Variants in CHIC1 observed in about 807,000 individuals in gnomAD.
CHIC1 encodes the protein cysteine-rich hydrophobic domain-containing protein 1.
Under a neutral mutation model 18.5 loss-of-function variants are expected in CHIC1, and 7 were observed. The ratio of observed to expected loss-of-function variants is 0.38; its 90% CI spans 0.22 to 0.71. The LOEUF is 0.71. Ranked by LOEUF, CHIC1 falls within the 30% of genes least tolerant of loss-of-function variation. The pLI is 0.49. For missense variants in CHIC1, 159 were observed against 176.9 expected (o/e 0.90, Z 0.57); for synonymous variants, 77 against 73.5 (o/e 1.05, Z -0.25).
chrX:73,634,561 T>TG (rs906624130), intron 3 of CHIC1, among the ~76,000 whole-genome samples: 2 of 111,651 alleles, frequency 1.8e-5, no homozygotes, highest in Non-Finnish European at 3.8e-5. Flanking sequence ...GTTGGCTAGT[T>TG]GGGGTGTTCC....
intron 3 of CHIC1, among the ~76,000 whole-genome samples, chrX:73,645,484 A>G (rs1322194405): frequency 8.9e-6 from 1 of 112,263 alleles, no homozygotes; most frequent in South Asian, 3.7e-4. Flanking sequence ...AGGAACATCC[A>G]TACTGTTTTC....
chrX:73,676,224 C>T (rs1313844579), intron 3 of CHIC1, among the ~76,000 whole-genome samples: 2 of 111,238 alleles, frequency 1.8e-5, no homozygotes, highest in Non-Finnish European at 3.8e-5. Context: ...AGTTGCTCTT[C>T]TCGAGGAGTA....
intron 3 of CHIC1, among the ~76,000 whole-genome samples, chrX:73,648,708 T>C (rs1000792221): frequency 1.8e-5 from 2 of 111,460 alleles, no homozygotes; most frequent in African/African-American, 6.5e-5. Flanking sequence ...CAGAGAAATA[T>C]GGGACTATAT....
chrX:73,628,410 A>G (rs1487626332), intron 3 of CHIC1, among the ~76,000 whole-genome samples: 1 of 111,948 alleles, frequency 8.9e-6, no homozygotes, highest in Non-Finnish European at 1.9e-5. Context: ...GTTTACCTGG[A>G]GACAGAGGGC....
intron 3 of CHIC1, among the ~76,000 whole-genome samples, chrX:73,603,761 T>C (rs2057664468): frequency 9.2e-6 from 1 of 108,891 alleles, no homozygotes; most frequent in Non-Finnish European, 1.9e-5. Context: ...GAGATAATCT[T>C]GTGGGTTTGG....
At chrX:73,614,115 GTTTGAAGGATGACTTTTCTGGGTA>G (rs2057721777) in intron 3 of CHIC1, among the ~76,000 whole-genome samples, 2 of 111,369 alleles carry the variant, frequency 1.8e-5, no homozygotes, top group African/African-American at 6.5e-5. Context: ...TCTTCTTCAT[GTTTGAAGGATGACTTTTCTGGGTA>G]TAGTATCCTT....
At chrX:73,652,381 C>T (rs1454678397) in intron 3 of CHIC1, among the ~76,000 whole-genome samples, 1 of 112,088 alleles carries the variant, frequency 8.9e-6, no homozygotes, top group Non-Finnish European at 1.9e-5. Context: ...CCAAAATTGA[C>T]AAATGGGATC....
chrX:73,615,577 C>T (rs2057728774), intron 3 of CHIC1, among the ~76,000 whole-genome samples: 1 of 111,508 alleles, frequency 9.0e-6, no homozygotes, highest in African/African-American at 3.3e-5. Context: ...TGACCATAGC[C>T]TCCTAGGAGG....
chrX:73,587,060 G>T (rs994298041), intron 3 of CHIC1, among the ~76,000 whole-genome samples: 2 of 111,776 alleles, frequency 1.8e-5, no homozygotes, highest in Non-Finnish European at 3.8e-5. Context: ...ATGGGCTGTT[G>T]TTTGACACCT....
intron 1 of CHIC1, among the ~76,000 whole-genome samples, chrX:73,571,105 A>G (rs957968658): frequency 3.6e-5 from 4 of 110,961 alleles, no homozygotes; most frequent in African/African-American, 9.8e-5. Flanking sequence ...AGAGAATAGT[A>G]AAGCTAAGAA....
intron 3 of CHIC1, among the ~76,000 whole-genome samples, chrX:73,585,018 A>C (rs2057546239): frequency 9.0e-6 from 1 of 111,648 alleles, no homozygotes; most frequent in South Asian, 3.7e-4. Flanking sequence ...ATTACTACTT[A>C]TGTCATGGAT....
intron 5 of CHIC1, among the ~76,000 whole-genome samples, chrX:73,679,955 A>G (rs1447338106): frequency 9.0e-6 from 1 of 111,720 alleles, no homozygotes; most frequent in Non-Finnish European, 1.9e-5. Flanking sequence ...AACATTGTAC[A>G]ACCTTAATCA....
intron 3 of CHIC1, among the ~76,000 whole-genome samples, chrX:73,618,725 C>G (rs992181816): frequency 1.8e-5 from 2 of 112,290 alleles, no homozygotes; most frequent in African/African-American, 3.2e-5. Context: ...GCAAGCAGGG[C>G]TTTCAGGTTT....
chrX:73,612,158 A>T (rs757216201), intron 3 of CHIC1, among the ~76,000 whole-genome samples: 3 of 111,585 alleles, frequency 2.7e-5, no homozygotes, highest in African/African-American at 9.8e-5. Context: ...TTTTAGGTCT[A>T]ACATTTAAGT....
chrX:73,617,625 G>C (rs1489816899), intron 3 of CHIC1, among the ~76,000 whole-genome samples: 1 of 111,682 alleles, frequency 9.0e-6, no homozygotes, highest in Non-Finnish European at 1.9e-5. Flanking sequence ...CACTTACATG[G>C]TGGTGGCAAG....
At chrX:73,674,411 T>G (rs769664190) in intron 3 of CHIC1, among the ~76,000 whole-genome samples, 46 of 111,895 alleles carry the variant, frequency 4.1e-4, no homozygotes, top group Non-Finnish European at 7.7e-4. Context: ...CAATGTCAGA[T>G]CCTGTTATTT....
chrX:73,647,768 G>A (rs945605491), intron 3 of CHIC1, among the ~76,000 whole-genome samples: 2 of 112,527 alleles, frequency 1.8e-5, no homozygotes, highest in Non-Finnish European at 3.8e-5. Context: ...TGGATCAGCA[G>A]ACTTAGCCTT....
intron 3 of CHIC1, among the ~76,000 whole-genome samples, chrX:73,650,372 C>T (rs1342160512): frequency 4.5e-5 from 5 of 110,437 alleles, no homozygotes; most frequent in African/African-American, 1.6e-4. Context: ...CAAAAAAACC[C>T]TCCAAAAATC....
chrX:73,659,742 G>GA (rs1380921456), intron 3 of CHIC1, among the ~76,000 whole-genome samples: 1 of 111,328 alleles, frequency 9.0e-6, no homozygotes, highest in Non-Finnish European at 1.9e-5. Context: ...GTGTGATTAT[G>GA]AAAAAATGTC....
Sources: gnomAD v4.1 joint callset for allele counts (sites outside exome capture counted in the v4.1 genomes callset) on GRCh38, gnomAD v4.1.1 for gene constraint, MANE v1.5 for transcripts, NCBI Gene and HGNC (gene_info 2026-07-23, HGNC 2026-07-21) for gene names.